The following XIRP2 variants were observed in gnomAD, a reference collection of about 807,000 sequenced individuals.
XIRP2 encodes the protein xin actin binding repeat containing 2.
XIRP2 carries 236 observed loss-of-function variants against 277.0 expected under a neutral mutation model. The ratio of observed to expected loss-of-function variants is 0.85; its 90% CI spans 0.77 to 0.95. XIRP2 has a LOEUF of 0.95. XIRP2 is among the 40% of genes least tolerant of loss of function. XIRP2 has a pLI of 0.00. For synonymous variants in XIRP2, 1,490 were observed against 1,416.5 expected (o/e 1.05, Z -1.17); for missense variants, 4,640 against 4,157.5 (o/e 1.12, Z -3.19).
chr2:167,055,100 C>A (rs535837436), intron 2 of XIRP2, among the ~76,000 whole-genome samples: 3 of 152,210 alleles, frequency 2.0e-5, no homozygotes, highest in Non-Finnish European at 4.4e-5. Context: ...GTGGTAGAAT[C>A]CGAAACCTAT....
Position 167,249,451 on chromosome 2 carries a change from A to G in XIRP2, c.8059A>G (p.Thr2687Ala). 2 of 1,613,850 alleles carry G rather than the reference A, an allele frequency of 1.2e-6. No homozygotes were observed. The highest frequency in any genetic ancestry group is 1.7e-6 in the Non-Finnish European group (2 of 1,179,836). Reference sequence around the variant, plus strand: ...TCACCAAGAATGTAGTACCCAACAAACACAACAGAAGAAGTATTTGGAGCA... The same window carrying G: ...TCACCAAGAATGTAGTACCCAACAAGCACAACAGAAGAAGTATTTGGAGCA... The part of the protein sequence containing the change: ...QSHQECSTQQ[T>A]QQKKYLEQLH... The change falls in exon 9 of 11, where the codon ACA becomes GCA. Residue 2687 changes from threonine to alanine, a missense_variant. Physicochemically the swap from Thr to Ala is moderately conservative, Grantham distance 58. Coordinates refer to ENST00000409195, the MANE Select transcript of XIRP2 (RefSeq NM_152381.6).
At chr2:167,180,710 T>C (rs1179570936) in intron 3 of XIRP2, among the ~76,000 whole-genome samples, 1 of 152,206 alleles carries the variant, frequency 6.6e-6, no homozygotes, top group Non-Finnish European at 1.5e-5. Context: ...CTGTGCCTCA[T>C]TCAGTCACTG....
intron 3 of XIRP2, among the ~76,000 whole-genome samples, chr2:167,148,855 C>A (rs887520491): frequency 4.0e-5 from 6 of 151,566 alleles, no homozygotes; most frequent in Non-Finnish European, 8.8e-5. Context: ...AGACTGAGAA[C>A]AAAGTGAAAG....
intron 3 of XIRP2, among the ~76,000 whole-genome samples, chr2:167,157,141 G>T (rs1692226138): frequency 6.6e-6 from 1 of 150,616 alleles, no homozygotes; most frequent in African/African-American, 2.5e-5. Context: ...AACAGGCATT[G>T]TCAATAGACA....
intron 5 of XIRP2, among the ~76,000 whole-genome samples, chr2:167,236,557 C>T (rs1425852368): frequency 6.6e-6 from 1 of 152,096 alleles, no homozygotes; most frequent in Non-Finnish European, 1.5e-5. Flanking sequence ...AGAGCATATA[C>T]ATCATCTCTT....
chr2:166,925,624 T>TATATAC (rs1685167839), intron 2 of XIRP2, among the ~76,000 whole-genome samples: 2 of 139,452 alleles, frequency 1.4e-5, no homozygotes, highest in Admixed American at 1.4e-4. Context: ...TATATATATA[T>TATATAC]ATACATATAA....
At chr2:167,237,282 T>G (rs539469430) in intron 5 of XIRP2, among the ~76,000 whole-genome samples, 10 of 152,324 alleles carry the variant, frequency 6.6e-5, no homozygotes, top group African/African-American at 2.4e-4. Context: ...TTTTAAAATA[T>G]GTGTCAAAAT....
intron 2 of XIRP2, among the ~76,000 whole-genome samples, chr2:166,944,678 A>G (rs772907462): frequency 1.3e-5 from 2 of 152,104 alleles, no homozygotes; most frequent in Non-Finnish European, 2.9e-5. Context: ...ACATAATTCA[A>G]TATATGCTAG....
chr2:167,035,163 G>C (rs1405226649), intron 2 of XIRP2, among the ~76,000 whole-genome samples: 2 of 152,146 alleles, frequency 1.3e-5, no homozygotes, highest in African/African-American at 4.8e-5. Flanking sequence ...CATGAACATG[G>C]ATTAATACAG....
chr2:166,930,439 G>A (rs1390320937), intron 2 of XIRP2, among the ~76,000 whole-genome samples: 1 of 152,124 alleles, frequency 6.6e-6, no homozygotes, highest in Non-Finnish European at 1.5e-5. Flanking sequence ...GAGAATGGAA[G>A]TCAATTGAAG....
chr2:166,948,093 T>G (rs768950580), intron 2 of XIRP2, among the ~76,000 whole-genome samples: 2 of 152,006 alleles, frequency 1.3e-5, no homozygotes, highest in Non-Finnish European at 2.9e-5. Context: ...CACAGGGAAT[T>G]TTTAGGGGCA....
At chr2:167,020,124 AT>A (rs1687940361) in intron 2 of XIRP2, among the ~76,000 whole-genome samples, 1 of 152,032 alleles carries the variant, frequency 6.6e-6, no homozygotes, top group Non-Finnish European at 1.5e-5. Flanking sequence ...CAATCCAAAT[AT>A]TTTCATGATG....
chr2:166,977,707 A>G (rs1686751720), intron 2 of XIRP2, among the ~76,000 whole-genome samples: 2 of 152,326 alleles, frequency 1.3e-5, no homozygotes, highest in South Asian at 4.1e-4. Flanking sequence ...AAAGGGAAGT[A>G]ATCACAAAGA....
intron 2 of XIRP2, among the ~76,000 whole-genome samples, chr2:167,048,739 A>G (rs1688848152): frequency 6.6e-6 from 1 of 151,950 alleles, no homozygotes; most frequent in South Asian, 2.1e-4. Flanking sequence ...TCAGCACTGT[A>G]AGACCTCAGC....
At chr2:167,127,450 T>C (rs1254761208) in intron 2 of XIRP2, among the ~76,000 whole-genome samples, 9 of 152,214 alleles carry the variant, frequency 5.9e-5, no homozygotes, top group Non-Finnish European at 2.9e-5. Context: ...TGTGGACTGA[T>C]GGTGGCTGAA....
intron 5 of XIRP2, among the ~76,000 whole-genome samples, chr2:167,236,375 C>T (rs1260572939): frequency 1.3e-5 from 2 of 152,140 alleles, no homozygotes; most frequent in East Asian, 1.9e-4. Flanking sequence ...AGGCAGGATA[C>T]GAACTGCTTC....
rs1038143671 is a variant in XIRP2, at chr2:166,965,771, C to A, written c.408+61881C>A. 5.3e-5 allele frequency among the ~76,000 whole-genome samples: 8 copies of A among 151,696 alleles called. No homozygotes were observed. In the East Asian group the frequency reaches 1.6e-3, roughly 30 times the overall value. On this transcript the variant is annotated intron_variant, in intron 2 of 10. Coordinates refer to ENST00000409195, the MANE Select transcript of XIRP2 (RefSeq NM_152381.6). The stretch of plus-strand genomic sequence containing the variant: ...GCTAATCTTTTATTATTTATAGAGA[C>A]AAAGTCTCCCTATCTTGCTAAGGTT...
At chr2:167,165,101 G>T (rs535842766) in intron 3 of XIRP2, among the ~76,000 whole-genome samples, 55 of 152,088 alleles carry the variant, frequency 3.6e-4, no homozygotes, top group Non-Finnish European at 6.9e-4. Flanking sequence ...CGTACAAAAG[G>T]TAGCCTTTTC....
At chr2:167,193,517 GC>G (rs1256301665) in intron 3 of XIRP2, among the ~76,000 whole-genome samples, 5 of 152,024 alleles carry the variant, frequency 3.3e-5, no homozygotes, top group Non-Finnish European at 5.9e-5. Context: ...ATGATGAATA[GC>G]CCTCAAATAA....
Sources: gnomAD v4.1 joint callset for allele counts (sites outside exome capture counted in the v4.1 genomes callset) on GRCh38, gnomAD v4.1.1 for gene constraint, MANE v1.5 for transcripts, NCBI Gene and HGNC (gene_info 2026-07-23, HGNC 2026-07-21) for gene names.